ASTN1: variants seen among roughly 807,000 people sequenced by gnomAD.
ASTN1 encodes the protein astrotactin-1.
A neutral mutation model predicts 140.7 loss-of-function variants in ASTN1; 41 were observed. The ratio of observed to expected loss-of-function variants is 0.29; its 90% CI spans 0.23 to 0.38. The LOEUF is 0.38. Ranked by LOEUF, ASTN1 falls within the 10% of genes least tolerant of loss-of-function variation. The probability of loss-of-function intolerance (pLI) is 1.00; values close to 1 mark genes in which losing one functional copy is unlikely to be tolerated. For synonymous variants in ASTN1, 640 were observed against 652.2 expected (o/e 0.98, Z 0.29); for missense variants, 1,479 against 1,678.8 (o/e 0.88, Z 2.08).
rs189954148 is a variant in ASTN1 at position 176,975,087 on chromosome 1, G to A, written c.1524-9850C>T. On this transcript the variant is annotated intron_variant, in intron 8 of 22. Transcript: ENST00000361833. ...CCACATGGGAGAAGCTTAGCCCAGAGAACTGTAGTTTCCCTGTATATTTTG... is the reference window on the plus strand; with the variant it reads ...CCACATGGGAGAAGCTTAGCCCAGAAAACTGTAGTTTCCCTGTATATTTTG... 1.4e-3 allele frequency among the ~76,000 whole-genome samples: 216 copies of A among 152,358 alleles called. 4 individuals are homozygous for A. In the Middle Eastern group the frequency reaches 0.024, roughly 17 times the overall value.
intron 1 of ASTN1, among the ~76,000 whole-genome samples, chr1:177,153,973 A>G (rs1026205365): frequency 6.6e-6 from 1 of 152,192 alleles, no homozygotes; most frequent in African/African-American, 2.4e-5. Flanking sequence ...AAATATTAAT[A>G]CTACTGATGA....
chr1:177,104,566 C>T (rs1304399281), intron 1 of ASTN1, among the ~76,000 whole-genome samples: 1 of 152,118 alleles, frequency 6.6e-6, no homozygotes, highest in Non-Finnish European at 1.5e-5. Context: ...CATACGTTCA[C>T]CAAACAGTGT....
chr1:177,117,863 A>G (rs1026098649), intron 1 of ASTN1, among the ~76,000 whole-genome samples: 4 of 152,196 alleles, frequency 2.6e-5, no homozygotes, highest in Non-Finnish European at 5.9e-5. Context: ...TACTTCCTCT[A>G]TAAAACTTTT....
At chr1:177,046,806 A>G (rs2102005361) in intron 2 of ASTN1, among the ~76,000 whole-genome samples, 1 of 152,296 alleles carries the variant, frequency 6.6e-6, no homozygotes, top group Middle Eastern at 3.4e-3. Flanking sequence ...CAGTGGAGAA[A>G]AGGGAGCCAC....
chr1:177,062,220 T>C (rs970821731), intron 1 of ASTN1, among the ~76,000 whole-genome samples: 8 of 152,120 alleles, frequency 5.3e-5, no homozygotes, highest in Non-Finnish European at 1.0e-4. Context: ...TAGTAAACCA[T>C]TGCTTTACAA....
chr1:177,072,737 A>G (rs1440252206), intron 1 of ASTN1, among the ~76,000 whole-genome samples: 3 of 152,204 alleles, frequency 2.0e-5, no homozygotes, highest in Non-Finnish European at 4.4e-5. Context: ...GGAGCCATGC[A>G]TTCTACATGA....
intron 1 of ASTN1, among the ~76,000 whole-genome samples, chr1:177,114,867 A>G (rs867051842): frequency 2.6e-5 from 4 of 152,308 alleles, no homozygotes; most frequent in South Asian, 2.1e-4. Flanking sequence ...CATTTCATCA[A>G]TGATGACCAT....
chr1:176,939,664 C>A (rs1010991688), intron 14 of ASTN1, among the ~76,000 whole-genome samples: 2 of 151,636 alleles, frequency 1.3e-5, no homozygotes, highest in Non-Finnish European at 2.9e-5. Flanking sequence ...CACATTTCTG[C>A]TGAATGACTT....
chr1:177,104,783 C>T (rs1434738894), intron 1 of ASTN1, among the ~76,000 whole-genome samples: 1 of 152,282 alleles, frequency 6.6e-6, no homozygotes, highest in Non-Finnish European at 1.5e-5. Context: ...CTGCCAGTGA[C>T]CTTGGGGTCT....
chr1:177,018,542 A>G (rs1191808271), intron 7 of ASTN1, among the ~76,000 whole-genome samples: 1 of 152,210 alleles, frequency 6.6e-6, no homozygotes, highest in African/African-American at 2.4e-5. Context: ...GATTTCAGTG[A>G]ACGTCTTGGA....
chr1:177,074,400 T>C (rs562594293), intron 1 of ASTN1, among the ~76,000 whole-genome samples: 1 of 152,194 alleles, frequency 6.6e-6, no homozygotes, highest in Non-Finnish European at 1.5e-5. Context: ...AAATAGATCT[T>C]AAAGGGAGGA....
intron 20 of ASTN1, among the ~76,000 whole-genome samples, chr1:176,878,541 T>C (rs1255439101): frequency 6.6e-6 from 1 of 152,104 alleles, no homozygotes; most frequent in Non-Finnish European, 1.5e-5. Flanking sequence ...TGCCATATGC[T>C]GATGTTTCAT....
intron 12 of ASTN1, 104 bp downstream of exon 12, chr1:176,949,081 G>C: frequency 1.4e-6 from 2 of 1,468,038 alleles, no homozygotes; most frequent in Non-Finnish European, 1.9e-6. Context: ...ACTAAGGGAT[G>C]GCCTAGGGTG....
At chr1:176,921,094 G>A (rs891073445) in intron 16 of ASTN1, among the ~76,000 whole-genome samples, 1 of 152,154 alleles carries the variant, frequency 6.6e-6, no homozygotes, top group East Asian at 1.9e-4. Flanking sequence ...CCTTCATTTC[G>A]TAGAGTAGAT....
chr1:177,002,136 G>A (rs1674757187), intron 8 of ASTN1, among the ~76,000 whole-genome samples: 1 of 152,030 alleles, frequency 6.6e-6, no homozygotes, highest in African/African-American at 2.4e-5. Flanking sequence ...TGGCAACTCT[G>A]GTGTTGCCTA....
chr1:176,945,333 G>A (rs1481702556), intron 13 of ASTN1, among the ~76,000 whole-genome samples: 4 of 152,086 alleles, frequency 2.6e-5, no homozygotes, highest in South Asian at 2.1e-4. Context: ...ATTAATTCAC[G>A]TAAAAACAAT....
downstream of ASTN1, among the ~76,000 whole-genome samples, chr1:176,859,351 C>T (rs1667896015): frequency 6.6e-6 from 1 of 152,168 alleles, no homozygotes; most frequent in African/African-American, 2.4e-5. Flanking sequence ...GTGATGGGGA[C>T]ATTGTGGATG....
At chr1:177,138,756 T>C (rs1478095765) in intron 1 of ASTN1, among the ~76,000 whole-genome samples, 1 of 152,128 alleles carries the variant, frequency 6.6e-6, no homozygotes, top group Non-Finnish European at 1.5e-5. Flanking sequence ...AGTGCTTGGG[T>C]GCTACCTGAG....
chr1:176,939,873 G>A (rs1571540647), intron 14 of ASTN1, among the ~76,000 whole-genome samples: 3 of 145,268 alleles, frequency 2.1e-5, no homozygotes, highest in African/African-American at 7.5e-5. Flanking sequence ...GAGGGAGGGA[G>A]GGAGGGACGG....
Sources: gnomAD v4.1 joint callset for allele counts (sites outside exome capture counted in the v4.1 genomes callset) on GRCh38, gnomAD v4.1.1 for gene constraint, MANE v1.5 for transcripts, NCBI Gene and HGNC (gene_info 2026-07-23, HGNC 2026-07-21) for gene names.